Variants in RABGAP1L observed in about 807,000 individuals in gnomAD.
RABGAP1L encodes the protein rab GTPase-activating protein 1-like.
In RABGAP1L, 63 loss-of-function variants were observed where a neutral mutation model predicts 137.7. The ratio of observed to expected loss-of-function variants is 0.46; its 90% CI spans 0.37 to 0.56. RABGAP1L has a LOEUF of 0.56. Among genes scored for constraint, RABGAP1L ranks in the 20% least tolerant of loss-of-function variants. RABGAP1L has a pLI of 0.00. For missense variants in RABGAP1L, 1,095 were observed against 1,244.0 expected (o/e 0.88, Z 1.80); for synonymous variants, 431 against 433.7 (o/e 0.99, Z 0.08).
At chr1:174,748,852 G>A (rs1684090966) in intron 17 of RABGAP1L, among the ~76,000 whole-genome samples, 1 of 152,032 alleles carries the variant, frequency 6.6e-6, no homozygotes, top group South Asian at 2.1e-4. Flanking sequence ...TCCAGTCTGG[G>A]TGACAGAACG....
intron 11 of RABGAP1L, among the ~76,000 whole-genome samples, chr1:174,355,627 T>G (rs182110340): frequency 1.3e-5 from 2 of 148,720 alleles, no homozygotes; most frequent in Non-Finnish European, 3.0e-5. Context: ...TAATAAAATT[T>G]AAAAAAAAAA....
intron 13 of RABGAP1L, among the ~76,000 whole-genome samples, chr1:174,628,282 T>A (rs1252626587): frequency 6.6e-6 from 1 of 152,220 alleles, no homozygotes; most frequent in African/African-American, 2.4e-5. Context: ...ATCATTGTGT[T>A]GTAAATCTCT....
rs529288100 is a variant in RABGAP1L, at chr1:174,944,870, AAT to A, written c.2341-12586_2341-12585del. Among the ~76,000 whole-genome samples the A allele has an allele frequency of 1.5e-3, 234 of 152,230 alleles. 1 individual carries two copies. The highest frequency in any genetic ancestry group is 5.2e-3 in the African/African-American group (217 of 41,536). On this transcript the variant is annotated intron_variant, in intron 19 of 25. Coordinates refer to ENST00000681986, the MANE Select transcript of RABGAP1L (RefSeq NM_001366446.1). ...TGTCTTATACATTAGTTTCAAATTA[AAT>A]TTCTTAGAGCATAAATGTCTACAGC...
intron 1 of RABGAP1L, among the ~76,000 whole-genome samples, chr1:174,194,224 T>C (rs1667409078): frequency 6.7e-6 from 1 of 150,182 alleles, no homozygotes; most frequent in Non-Finnish European, 1.5e-5. Context: ...GGGATTAGGC[T>C]TCAGTTAATT....
At chr1:174,260,113 G>A (rs1673463822) in intron 7 of RABGAP1L, among the ~76,000 whole-genome samples, 1 of 152,134 alleles carries the variant, frequency 6.6e-6, no homozygotes, top group African/African-American at 2.4e-5. Flanking sequence ...GATTACAGGT[G>A]TAAGCCACCA....
At chr1:174,907,809 C>G (rs1573771608) in intron 19 of RABGAP1L, among the ~76,000 whole-genome samples, 1 of 152,104 alleles carries the variant, frequency 6.6e-6, no homozygotes, top group East Asian at 1.9e-4. Context: ...TTAGTAAATC[C>G]TTACTTATCA....
At chr1:174,765,310 C>A (rs558327031) in intron 18 of RABGAP1L, among the ~76,000 whole-genome samples, 1 of 152,154 alleles carries the variant, frequency 6.6e-6, no homozygotes, top group Admixed American at 6.5e-5. Context: ...TGAATGCGCC[C>A]GATCTCATCT....
At chr1:174,337,038 G>T (rs1348462055) in intron 11 of RABGAP1L, among the ~76,000 whole-genome samples, 1 of 151,912 alleles carries the variant, frequency 6.6e-6, no homozygotes, top group Non-Finnish European at 1.5e-5. Context: ...TGGAGGGAGA[G>T]AGTGTATTTG....
intron 7 of RABGAP1L, among the ~76,000 whole-genome samples, chr1:174,269,622 A>G (rs1314368759): frequency 6.6e-6 from 1 of 152,254 alleles, no homozygotes; most frequent in Admixed American, 6.5e-5. Flanking sequence ...TTATTATGAT[A>G]ATAATTGATA....
chr1:174,830,341 C>T lies in RABGAP1L; in HGVS notation c.2340+18381C>T, dbSNP rs532348850. Among the ~76,000 whole-genome samples the T allele has an allele frequency of 6.1e-5, 9 of 147,386 alleles. 1 individual carries two copies. The highest frequency in any genetic ancestry group is 2.2e-4 in the South Asian group (1 of 4,486). On this transcript the variant is annotated intron_variant, in intron 19 of 25. Transcript: ENST00000681986. ...CTGAAAGTCTGGTGTGGAAAGGAGACTTCCTTCCCATTCAATAAAATTTGC... is the reference window on the plus strand; with the variant it reads ...CTGAAAGTCTGGTGTGGAAAGGAGATTTCCTTCCCATTCAATAAAATTTGC...
chr1:174,573,051 C>A (rs1326691470), intron 13 of RABGAP1L, among the ~76,000 whole-genome samples: 1 of 151,644 alleles, frequency 6.6e-6, no homozygotes, highest in Non-Finnish European at 1.5e-5. Flanking sequence ...AAGGCAGAAC[C>A]TCTTGAATTC....
At chr1:174,322,230 A>T (rs1416845658) in intron 11 of RABGAP1L, among the ~76,000 whole-genome samples, 3 of 151,852 alleles carry the variant, frequency 2.0e-5, no homozygotes, top group Non-Finnish European at 4.4e-5. Context: ...TAGGTCTGTT[A>T]TCTATTTGTT....
At chr1:174,859,713 G>A (rs982533144) in intron 19 of RABGAP1L, among the ~76,000 whole-genome samples, 2 of 151,882 alleles carry the variant, frequency 1.3e-5, no homozygotes, top group African/African-American at 2.4e-5. Flanking sequence ...GGAGGGAGAG[G>A]ATCAGGAAAA....
chr1:174,477,067 T>A (rs1039575303), intron 13 of RABGAP1L, among the ~76,000 whole-genome samples: 10 of 152,154 alleles, frequency 6.6e-5, no homozygotes, highest in African/African-American at 2.4e-4. Flanking sequence ...TTGTGTACCA[T>A]AGTCCCAGGA....
At chr1:174,923,034 G>A (rs113007603) in intron 19 of RABGAP1L, among the ~76,000 whole-genome samples, 18 of 151,938 alleles carry the variant, frequency 1.2e-4, no homozygotes, top group East Asian at 1.9e-4. Context: ...AGCCAAGTAT[G>A]GTGGCACATG....
intron 19 of RABGAP1L, among the ~76,000 whole-genome samples, chr1:174,942,936 A>G (rs1211246842): frequency 6.6e-6 from 1 of 152,160 alleles, no homozygotes; most frequent in Non-Finnish European, 1.5e-5. Flanking sequence ...AAAAGCAGAA[A>G]CTATCTTCTT....
At chr1:174,503,728 A>G (rs1354772763) in intron 13 of RABGAP1L, among the ~76,000 whole-genome samples, 2 of 151,846 alleles carry the variant, frequency 1.3e-5, no homozygotes, top group African/African-American at 2.4e-5. Flanking sequence ...ATAAGGAACT[A>G]TCTAAACAAG....
At chr1:174,718,204 TG>T (rs1468839168) in intron 17 of RABGAP1L, among the ~76,000 whole-genome samples, 1 of 152,256 alleles carries the variant, frequency 6.6e-6, no homozygotes, top group African/African-American at 2.4e-5. Flanking sequence ...GTTTGAGTTT[TG>T]GTTATTCAAT....
intron 5 of RABGAP1L, among the ~76,000 whole-genome samples, chr1:174,243,899 G>C (rs903063023): frequency 6.6e-6 from 1 of 152,112 alleles, no homozygotes; most frequent in East Asian, 1.9e-4. Flanking sequence ...CAACTTTCCT[G>C]TTGCTTACAT....
Sources: gnomAD v4.1 joint callset for allele counts (sites outside exome capture counted in the v4.1 genomes callset) on GRCh38, gnomAD v4.1.1 for gene constraint, MANE v1.5 for transcripts, NCBI Gene and HGNC (gene_info 2026-07-23, HGNC 2026-07-21) for gene names.